The following FARS2 variants were observed in gnomAD, a reference collection of about 807,000 sequenced individuals.
FARS2 encodes phenylalanyl-tRNA synthetase 2, mitochondrial.
FARS2 carries 40 observed loss-of-function variants against 46.4 expected under a neutral mutation model. That is an observed-to-expected ratio of 0.86 (90% CI 0.67 to 1.12). FARS2 has a LOEUF of 1.12. Ranked by LOEUF, FARS2 falls within the 50% of genes most tolerant of loss-of-function variation. The pLI, the probability that FARS2 is intolerant of heterozygous loss-of-function variation, is 0.00. For synonymous variants in FARS2, 234 were observed against 214.9 expected (o/e 1.09, Z -0.78); for missense variants, 513 against 567.9 (o/e 0.90, Z 0.98).
At chr6:5,286,974 G>A (rs114257888) in intron 1 of FARS2, among the ~76,000 whole-genome samples, 1 of 152,240 alleles carries the variant, frequency 6.6e-6, no homozygotes, top group Non-Finnish European at 1.5e-5. Context: ...AGGAAGACTC[G>A]CTGCACTTGT....
In FARS2 at chr6:5,625,507, G is replaced by C. The variant is rs1420839533; in HGVS notation, c.1217+12187G>C. On this transcript the variant is annotated intron_variant, in intron 6 of 6. Coordinates refer to ENST00000274680, the MANE Select transcript of FARS2 (RefSeq NM_006567.5). ...ATAGACAGGGATGAGGTCAGCCCCG[G>C]GGGGAGGGACTGATGATGTGCACAG... is the stretch of plus-strand genomic sequence containing the variant. Among the ~76,000 whole-genome samples the C allele has an allele frequency of 2.6e-5, 4 of 152,324 alleles. No homozygotes were observed. In the East Asian group the frequency reaches 7.7e-4, roughly 29 times the overall value.
Position 5,616,510 on chromosome 6 carries a change from T to C in FARS2, c.1217+3190T>C, listed in dbSNP as rs1409075557. 3.9e-5 allele frequency among the ~76,000 whole-genome samples: 6 copies of C among 152,182 alleles called. 1 individual carries two copies. The highest frequency in any genetic ancestry group is 1.3e-4 in the Admixed American group (2 of 15,290). On this transcript the variant is annotated intron_variant, in intron 6 of 6. Coordinates refer to ENST00000274680, the MANE Select transcript of FARS2 (RefSeq NM_006567.5). The stretch of plus-strand genomic sequence containing the variant: ...GTTTCAGAGTTTGGATCTTCTCAGA[T>C]GTTGGAATATTTGCATATATGTAAT...
chr6:5,660,955 G>A (rs1561783455), intron 6 of FARS2, among the ~76,000 whole-genome samples: 1 of 152,202 alleles, frequency 6.6e-6, no homozygotes, highest in South Asian at 2.1e-4. Context: ...AATGTCACAC[G>A]ATCAGATTTG....
chr6:5,514,027 T>TAAGGAGAGTATAC (rs1356079627), intron 4 of FARS2, among the ~76,000 whole-genome samples: 1 of 151,684 alleles, frequency 6.6e-6, no homozygotes, highest in East Asian at 1.9e-4. Context: ...TGAGGATACT[T>TAAGGAGAGTATAC]AAGGAGAGTA....
intron 2 of FARS2, among the ~76,000 whole-genome samples, chr6:5,377,279 A>T (rs1444089462): frequency 6.6e-6 from 1 of 152,202 alleles, no homozygotes; most frequent in Non-Finnish European, 1.5e-5. Flanking sequence ...CACCAGATGC[A>T]CACTTGTGTG....
In FARS2 at chr6:5,487,588, G is replaced by T. The variant is rs150218776; in HGVS notation, c.904+56416G>T. 9.8e-4 allele frequency among the ~76,000 whole-genome samples: 149 copies of T among 152,256 alleles called. 1 individual carries two copies. The highest frequency in any genetic ancestry group is 3.3e-3 in the African/African-American group (137 of 41,540). On this transcript the variant is annotated intron_variant, in intron 4 of 6. Transcript: ENST00000274680. ...TAGAGAAGATAATTTGCCTGAAGTC[G>T]CACGTTTCAGTCAGTGGCAGAGCCA...
rs140129764 is a variant in FARS2, at chr6:5,449,650, T to C, written c.904+18478T>C. On this transcript the variant is annotated intron_variant, in intron 4 of 6. Coordinates refer to ENST00000274680, the MANE Select transcript of FARS2 (RefSeq NM_006567.5). The stretch of plus-strand genomic sequence containing the variant: ...GGTAGTACAGATTGCATATCTCTTA[T>C]GTTAAATGCTTGGGACAAGAAATGT... Among the ~76,000 whole-genome samples, 968 of 152,324 alleles carry C rather than the reference T, an allele frequency of 6.4e-3. 16 individuals are homozygous for C. The highest frequency in any genetic ancestry group is 0.021 in the African/African-American group (889 of 41,562).
At position 5,707,924 on chromosome 6, in the gene FARS2, A is replaced by G. The variant is rs145996995; in HGVS notation, c.1218-63367A>G. ...GCCGCCGTGGGAGCCCGGGGAAGAA[A>G]GGCTTGGCTACTAATTCCTTATGGC... is the stretch of plus-strand genomic sequence containing the variant. On this transcript the variant is annotated intron_variant, in intron 6 of 6. Coordinates refer to ENST00000274680, the MANE Select transcript of FARS2 (RefSeq NM_006567.5). 2.7e-3 allele frequency among the ~76,000 whole-genome samples: 405 copies of G among 152,346 alleles called. 8 individuals carry two copies. In the East Asian group the frequency reaches 0.047, roughly 18 times the overall value.
At chr6:5,407,689 C>A (rs1018153231) in intron 3 of FARS2, among the ~76,000 whole-genome samples, 2 of 151,870 alleles carry the variant, frequency 1.3e-5, no homozygotes, top group Non-Finnish European at 2.9e-5. Flanking sequence ...TTGCTATTTT[C>A]TCTTCCTGTC....
In FARS2 at chr6:5,539,384, G is replaced by GTGTGTATATATATATATA; in HGVS notation, c.905-5795_905-5794insGTGTATATATATATATAT. Among the ~76,000 whole-genome samples, 32 of 79,574 alleles carry GTGTGTATATATATATATA rather than the reference G, an allele frequency of 4.0e-4. 1 individual carries two copies. Among genetic ancestry groups the GTGTGTATATATATATATA allele is most frequent in the African/African-American group, 1.3e-3 (28 of 21,612 alleles). The allele number at this position is 79,574 out of a possible 152,430, so 52.2% of individuals were successfully genotyped here. ...ACCATGCCCACCTAATTTTTTTTGT[G>GTGTGTATATATATATATA]TATATATATATATATGTATATATTT... On this transcript the variant is annotated intron_variant, in intron 4 of 6. Coordinates refer to ENST00000274680, the MANE Select transcript of FARS2 (RefSeq NM_006567.5).
rs542228374 is a variant in FARS2, at chr6:5,600,047, T to C, written c.1066-13122T>C. Among the ~76,000 whole-genome samples, 3 of 152,328 alleles carry C rather than the reference T, an allele frequency of 2.0e-5. No individual in the cohort carries two copies. In the East Asian group the frequency reaches 5.8e-4, roughly 29 times the overall value. ...GCACACTGTAGCTCCATTTTCCAAA[T>C]ACATGATCTGTTTAAGTAAAGCATT... On this transcript the variant is annotated intron_variant, in intron 5 of 6. Coordinates refer to ENST00000274680, the MANE Select transcript of FARS2 (RefSeq NM_006567.5).
At chr6:5,589,400 C>T (rs2150599285) in intron 5 of FARS2, among the ~76,000 whole-genome samples, 1 of 152,344 alleles carries the variant, frequency 6.6e-6, no homozygotes, top group South Asian at 2.1e-4. Context: ...GGCAGGATTG[C>T]AGTACATGCT....
chr6:5,623,315 G>A (rs1019134428), intron 6 of FARS2, among the ~76,000 whole-genome samples: 9 of 152,194 alleles, frequency 5.9e-5, no homozygotes, highest in African/African-American at 2.2e-4. Context: ...ATATAACTGG[G>A]AAGTTGGGAT....
At chr6:5,649,399 A>G (rs1777233372) in intron 6 of FARS2, among the ~76,000 whole-genome samples, 1 of 152,160 alleles carries the variant, frequency 6.6e-6, no homozygotes, top group Non-Finnish European at 1.5e-5. Context: ...TCCCCAGTAC[A>G]CATTGTTTGG....
At chr6:5,463,595 CAAT>C (rs1765359865) in intron 4 of FARS2, among the ~76,000 whole-genome samples, 2 of 152,014 alleles carry the variant, frequency 1.3e-5, no homozygotes, top group East Asian at 1.9e-4. Flanking sequence ...AAATTTTCAA[CAAT>C]AATAGGTGTG....
intron 1 of FARS2, among the ~76,000 whole-genome samples, chr6:5,346,811 T>A (rs949427209): frequency 6.6e-6 from 1 of 152,162 alleles, no homozygotes; most frequent in Non-Finnish European, 1.5e-5. Context: ...TAGATAATGA[T>A]AACTAATTAG....
intron 6 of FARS2, among the ~76,000 whole-genome samples, chr6:5,722,444 C>T (rs900398931): frequency 2.6e-5 from 4 of 152,100 alleles, no homozygotes; most frequent in African/African-American, 4.8e-5. Flanking sequence ...CAAAGCAGTG[C>T]GCTGTGACAG....
chr6:5,627,939 G>GAAGTTGGGTATACAGT (rs143924542), intron 6 of FARS2, among the ~76,000 whole-genome samples: 8,721 of 152,136 alleles, frequency 0.057, 746 homozygotes, highest in African/African-American at 0.19. Flanking sequence ...CTTAGAAACA[G>GAAGTTGGGTATACAGT]AAGTTGGGTC....
At chr6:5,628,637 G>A (rs917363655) in intron 6 of FARS2, among the ~76,000 whole-genome samples, 7 of 152,230 alleles carry the variant, frequency 4.6e-5, no homozygotes, top group Non-Finnish European at 8.8e-5. Flanking sequence ...GAAGCTGTGA[G>A]TACCTAGGAA....
Sources: gnomAD v4.1 joint callset for allele counts (sites outside exome capture counted in the v4.1 genomes callset) on GRCh38, gnomAD v4.1.1 for gene constraint, MANE v1.5 for transcripts, NCBI Gene and HGNC (gene_info 2026-07-23, HGNC 2026-07-21) for gene names.